Variants in BLK observed in about 807,000 individuals in gnomAD.
The protein encoded by BLK is tyrosine-protein kinase Blk.
BLK carries 64 observed loss-of-function variants against 61.8 expected under a neutral mutation model. The ratio of observed to expected loss-of-function variants is 1.03; its 90% CI spans 0.85 to 1.27. The LOEUF (loss-of-function observed/expected upper bound fraction) is 1.27, where lower values mean the gene tolerates loss of function less well. BLK is among the 50% of genes most tolerant of loss of function. BLK has a pLI of 0.00. For synonymous variants in BLK, 351 were observed against 272.0 expected (o/e 1.29, Z -2.86); for missense variants, 853 against 660.5 (o/e 1.29, Z -3.19).
chr8:11,541,280 T>TC (rs1374716470), intron 1 of BLK, among the ~76,000 whole-genome samples: 1 of 151,978 alleles, frequency 6.6e-6, no homozygotes, highest in Non-Finnish European at 1.5e-5. Flanking sequence ...AACAAAATAA[T>TC]TAGCAAATAA....
intron 1 of BLK, among the ~76,000 whole-genome samples, chr8:11,533,427 G>A (rs575707965): frequency 2.0e-5 from 3 of 152,278 alleles, no homozygotes; most frequent in African/African-American, 7.2e-5. Context: ...CCAAAGGATT[G>A]AATGATGTCC....
rs1207026050 is a variant in BLK, at chr8:11,563,116, T to G, written c.1312+6T>G. ...TGGGCGGGTGCCATACCCAGGTAGG[T>G]GGCTCACCCCGCAGCTCGCGGCTCC... On this transcript the variant is annotated splice_donor_region_variant and intron_variant, in intron 12 of 12. Transcript: ENST00000259089. The G allele has an allele frequency of 2.5e-6, 4 of 1,613,506 alleles. No homozygotes were observed. Among genetic ancestry groups the G allele is most frequent in the African/African-American group, 2.7e-5 (2 of 74,946 alleles).
chr8:11,534,168 C>T (rs1030940068), intron 1 of BLK, among the ~76,000 whole-genome samples: 1 of 152,184 alleles, frequency 6.6e-6, no homozygotes, highest in South Asian at 2.1e-4. Flanking sequence ...AACTATTGTG[C>T]CAAAGAATCA....
intron 11 of BLK, 96 bp downstream of exon 11, chr8:11,561,548 A>AAGACACCTGAGGGC: frequency 6.2e-6 from 9 of 1,458,332 alleles, no homozygotes; most frequent in Non-Finnish European, 8.5e-6. Flanking sequence ...GCCCTGAGGG[A>AAGACACCTGAGGGC]AGACACCTGA....
chr8:11,517,367 C>T (rs2117314607), intron 1 of BLK, among the ~76,000 whole-genome samples: 1 of 152,324 alleles, frequency 6.6e-6, no homozygotes, highest in African/African-American at 2.4e-5. Context: ...CAGGAACTCA[C>T]CTCTGGCCAT....
chr8:11,542,301 T>G (rs1039056215), intron 1 of BLK, among the ~76,000 whole-genome samples: 1 of 152,260 alleles, frequency 6.6e-6, no homozygotes, highest in Non-Finnish European at 1.5e-5. Flanking sequence ...CATCTTAGAA[T>G]TGATGAAATA....
In BLK at chr8:11,499,528, C is replaced by A. The variant is rs182431094; in HGVS notation, c.-2+4937C>A. On this transcript the variant is annotated intron_variant, in intron 1 of 12. Coordinates refer to ENST00000259089, the MANE Select transcript of BLK (RefSeq NM_001715.3). Reference sequence around the variant, plus strand: ...GGCATTCTTTCTTGGCATGGGTACACTGCCGTGGCTTGTGCTGAAGGCTGC... The same window carrying A: ...GGCATTCTTTCTTGGCATGGGTACAATGCCGTGGCTTGTGCTGAAGGCTGC... Among the ~76,000 whole-genome samples, 434 of 152,330 alleles carry A rather than the reference C, an allele frequency of 2.8e-3. 2 individuals are homozygous for A. The highest frequency in any genetic ancestry group is 0.01 in the Middle Eastern group (3 of 294).
intron 1 of BLK, among the ~76,000 whole-genome samples, chr8:11,520,332 C>G (rs1052403521): frequency 6.6e-6 from 1 of 151,718 alleles, no homozygotes; most frequent in Admixed American, 6.6e-5. Context: ...CAAGAACTAG[C>G]CAGGTGTGGT....
intron 1 of BLK, among the ~76,000 whole-genome samples, chr8:11,508,826 G>T (rs61254061): frequency 6.6e-6 from 1 of 152,154 alleles, no homozygotes. Context: ...TCAGACAAGG[G>T]AGCAACTGAC....
At chr8:11,548,212 C>G in intron 4 of BLK, 87 bp downstream of exon 4, 1 of 1,191,478 alleles carries the variant, frequency 8.4e-7, no homozygotes. Flanking sequence ...TCCTCCATGG[C>G]TGACCCTGGA....
At chr8:11,543,373 G>A (rs760435304) in intron 2 of BLK, 26 bp downstream of exon 2, 319 of 1,611,204 alleles carry the variant, frequency 2.0e-4, no homozygotes, top group Non-Finnish European at 2.5e-4. Flanking sequence ...CCCCCACCAA[G>A]AGCAGATTAC....
intron 6 of BLK, among the ~76,000 whole-genome samples, chr8:11,553,882 G>A (rs1801043760): frequency 1.3e-5 from 2 of 152,186 alleles, no homozygotes. Flanking sequence ...ACAGGACCGC[G>A]GAAAACCAAG....
At chr8:11,523,375 G>C (rs973562926) in intron 1 of BLK, among the ~76,000 whole-genome samples, 1 of 152,086 alleles carries the variant, frequency 6.6e-6, no homozygotes, top group Non-Finnish European at 1.5e-5. Context: ...CGAACATGGA[G>C]ATACCCCGTC....
chr8:11,531,263 A>T (rs948610362), intron 1 of BLK, among the ~76,000 whole-genome samples: 1 of 152,100 alleles, frequency 6.6e-6, no homozygotes, highest in South Asian at 2.1e-4. Context: ...TGATTTAGCT[A>T]TTTCTTTTCT....
Position 11,543,285 on chromosome 8 carries a change from G to T in BLK, c.61G>T (p.Gly21Cys), listed in dbSNP as rs1263734574. Residue 21 changes from glycine (G) to cysteine (C), a missense_variant, in exon 2 of 13, where the codon GGC becomes TGC. Transcript: ENST00000259089. The stretch of plus-strand genomic sequence containing the variant: ...AAAGCCGATCAAAGAGAAGGACAAG[G>T]GCCAATGGAGCCCCCTGAAGGTCAG... The part of the protein sequence containing the change: ...KEKPIKEKDK[G>C]QWSPLKVSAQ... The T allele has an allele frequency of 6.2e-7, 1 of 1,613,962 alleles. No homozygotes were observed. The highest frequency in any genetic ancestry group is 2.2e-5 in the East Asian group (1 of 44,868).
At chr8:11,540,430 A>G (rs1032815499) in intron 1 of BLK, among the ~76,000 whole-genome samples, 3 of 152,140 alleles carry the variant, frequency 2.0e-5, no homozygotes, top group African/African-American at 4.8e-5. Context: ...TTTGATTACA[A>G]TCTTCTATTT....
chr8:11,549,352 G>C (rs1440119427), intron 5 of BLK, among the ~76,000 whole-genome samples: 1 of 152,182 alleles, frequency 6.6e-6, no homozygotes, highest in African/African-American at 2.4e-5. Flanking sequence ...AAACAAGAGC[G>C]GTCCTTCTCC....
intron 1 of BLK, among the ~76,000 whole-genome samples, chr8:11,517,788 G>T (rs1304989960): frequency 3.3e-5 from 5 of 152,210 alleles, no homozygotes; most frequent in Non-Finnish European, 7.4e-5. Flanking sequence ...CCCTGGTGCT[G>T]CAGGCCAAGC....
intron 1 of BLK, among the ~76,000 whole-genome samples, chr8:11,511,876 C>T (rs1799020887): frequency 6.6e-6 from 1 of 152,156 alleles, no homozygotes; most frequent in African/African-American, 2.4e-5. Context: ...GACATCTTTC[C>T]ACCATTGTCT....
Sources: allele counts gnomAD v4.1 joint callset (sites outside exome capture counted in the v4.1 genomes callset), GRCh38; gene constraint gnomAD v4.1.1; transcripts MANE v1.5; gene names NCBI Gene and HGNC (gene_info 2026-07-23, HGNC 2026-07-21).